Variants in DNAH8 observed in about 807,000 individuals in gnomAD.
DNAH8 encodes dynein axonemal heavy chain 8, also known as axonemal beta dynein heavy chain 8.
DNAH8 carries 382 observed loss-of-function variants against 562.1 expected under a neutral mutation model. The observed-to-expected ratio is 0.68, with a 90% confidence interval of 0.63 to 0.74. The LOEUF (loss-of-function observed/expected upper bound fraction) is 0.74, where lower values mean the gene tolerates loss of function less well. Among genes scored for constraint, DNAH8 ranks in the 30% least tolerant of loss-of-function variants. The probability of loss-of-function intolerance (pLI) is 0.00; values close to 1 mark genes in which losing one functional copy is unlikely to be tolerated. For missense variants in DNAH8, 5,203 were observed against 5,620.4 expected, an observed-to-expected ratio of 0.93 and a Z score of 2.37; for synonymous variants, 1,881 against 1,919.4, an observed-to-expected ratio of 0.98 and a Z score of 0.52.
At chr6:38,821,668 A>C (rs980531898) in intron 26 of DNAH8, among the ~76,000 whole-genome samples, 5 of 151,866 alleles carry the variant, frequency 3.3e-5, no homozygotes, top group Non-Finnish European at 5.9e-5. Flanking sequence ...GGCTGAAGCA[A>C]TCCTCCCCTT....
chr6:38,923,085 C>A lies in DNAH8; in HGVS notation c.10690C>A (p.Arg3564=), dbSNP rs748121138. 1 of 1,613,338 alleles carries A rather than the reference C, an allele frequency of 6.2e-7. No homozygotes were observed. Among genetic ancestry groups the A allele is most frequent in the South Asian group, 1.1e-5 (1 of 91,006 alleles). Residue 3564 remains arginine, a synonymous_variant, in exon 72 of 93, where the codon CGG becomes AGG. Coordinates refer to ENST00000327475, the MANE Select transcript of DNAH8 (RefSeq NM_001206927.2). The stretch of plus-strand genomic sequence containing the variant: ...TTTGCTTAATGACGCTGATACGTGC[C>A]GGAAAAAGATGCAGGCCGCCTCCAC... ...MDLLNDADTC[R]KKMQAASTLI... is the part of the protein sequence containing the mutation.
intron 58 of DNAH8, among the ~76,000 whole-genome samples, 167 bp from the exon 59 acceptor site, chr6:38,894,534 T>C (rs1049227365): frequency 6.6e-6 from 1 of 152,230 alleles, no homozygotes; most frequent in African/African-American, 2.4e-5. Context: ...AGTTGGTTTA[T>C]TTATGATTTT....
intron 91 of DNAH8, 40 bp downstream of exon 91, chr6:39,012,677 G>A (rs767723274): frequency 1.2e-5 from 18 of 1,483,150 alleles, no homozygotes; most frequent in Middle Eastern, 3.4e-4. Flanking sequence ...TGGAATTTGT[G>A]TATTGTTGGA....
chr6:38,920,556 C>T (rs1207428777), intron 70 of DNAH8, among the ~76,000 whole-genome samples: 2 of 151,854 alleles, frequency 1.3e-5, no homozygotes, highest in African/African-American at 2.4e-5. Context: ...TGGATTGTTA[C>T]CAAAGTAACA....
chr6:38,898,770 A>C (rs1454520973), intron 61 of DNAH8, among the ~76,000 whole-genome samples: 1 of 152,178 alleles, frequency 6.6e-6, no homozygotes, highest in African/African-American at 2.4e-5. Context: ...TAAAAGTGTC[A>C]ATGTTATGAT....
At chr6:38,857,301 C>A (rs1396790657) in intron 41 of DNAH8, among the ~76,000 whole-genome samples, 2 of 152,164 alleles carry the variant, frequency 1.3e-5, no homozygotes, top group African/African-American at 2.4e-5. Flanking sequence ...TATAGTTCAA[C>A]AAATGGTAGC....
At position 38,825,848 on chromosome 6, in the gene DNAH8, T is replaced by C. The variant is rs554291285; in HGVS notation, c.3848-308T>C. ...TGCGAGAATGAATGAGGGCCGCTAATGGGATGGTCAGAAGAAGTGCAAGGG... is the reference window on the plus strand; with the variant it reads ...TGCGAGAATGAATGAGGGCCGCTAACGGGATGGTCAGAAGAAGTGCAAGGG... On this transcript the variant is annotated intron_variant, in intron 28 of 92. Transcript: ENST00000327475. 8.5e-5 allele frequency among the ~76,000 whole-genome samples: 13 copies of C among 152,246 alleles called. No homozygotes were observed. In the South Asian group the frequency reaches 2.7e-3, roughly 32 times the overall value.
chr6:38,754,805 TA>T (rs1562661297), intron 9 of DNAH8, among the ~76,000 whole-genome samples: 1 of 152,160 alleles, frequency 6.6e-6, no homozygotes, highest in African/African-American at 2.4e-5. Flanking sequence ...TTATAGATTC[TA>T]AGACTTTTTT....
At chr6:38,760,239 G>T (rs924689671) in intron 10 of DNAH8, among the ~76,000 whole-genome samples, 2 of 152,034 alleles carry the variant, frequency 1.3e-5, no homozygotes, top group South Asian at 4.2e-4. Context: ...CTTTCATTTT[G>T]TCTGATCACT....
At chr6:38,775,694 T>C in intron 12 of DNAH8, 60 bp from the exon 13 acceptor site, 1 of 1,055,512 alleles carries the variant, frequency 9.5e-7, no homozygotes, top group Middle Eastern at 3.1e-4. Flanking sequence ...TAAGAGCTTA[T>C]TTTAGGGAAG....
intron 89 of DNAH8, among the ~76,000 whole-genome samples, chr6:39,009,513 C>A (rs10947771): frequency 6.6e-6 from 1 of 152,022 alleles, no homozygotes; most frequent in East Asian, 1.9e-4. Flanking sequence ...AATCTGAAGT[C>A]TTCTAAGAAC....
chr6:38,787,044 T>A, intron 18 of DNAH8, 92 bp downstream of exon 18: 1 of 707,430 alleles, frequency 1.4e-6, no homozygotes, highest in Non-Finnish European at 2.0e-6. Context: ...CAGTTATGCT[T>A]CATGGCATTG....
At chr6:38,998,506 T>A (rs1765285583) in intron 88 of DNAH8, among the ~76,000 whole-genome samples, 1 of 152,250 alleles carries the variant, frequency 6.6e-6, no homozygotes, top group Admixed American at 6.5e-5. Flanking sequence ...TTCATTTCAA[T>A]GCAATACAAA....
At chr6:38,813,667 T>C (rs761828868) in intron 24 of DNAH8, among the ~76,000 whole-genome samples, 14 of 152,150 alleles carry the variant, frequency 9.2e-5, no homozygotes, top group Non-Finnish European at 1.9e-4. Context: ...TTGGAAAGCA[T>C]GGACCAGAAA....
At chr6:38,777,311 A>G (rs2127633197) in intron 13 of DNAH8, among the ~76,000 whole-genome samples, 1 of 152,338 alleles carries the variant, frequency 6.6e-6, no homozygotes, top group Admixed American at 6.5e-5. Flanking sequence ...ATTTATTAAG[A>G]AAGATTATAT....
chr6:38,912,384 G>C (rs1780971178), intron 66 of DNAH8, among the ~76,000 whole-genome samples: 1 of 152,160 alleles, frequency 6.6e-6, no homozygotes, highest in Non-Finnish European at 1.5e-5. Flanking sequence ...AGGATCACTT[G>C]AGCCCTGGAG....
chr6:38,811,429 A>T (rs1435795262), intron 24 of DNAH8, among the ~76,000 whole-genome samples: 1 of 152,104 alleles, frequency 6.6e-6, no homozygotes, highest in Non-Finnish European at 1.5e-5. Flanking sequence ...CATCTATGTT[A>T]TCTTTTTGCC....
intron 85 of DNAH8, among the ~76,000 whole-genome samples, chr6:38,975,844 A>G (rs1763632291): frequency 6.6e-6 from 1 of 152,194 alleles, no homozygotes; most frequent in African/African-American, 2.4e-5. Context: ...TTGTGTTCCC[A>G]GTAGTGATGA....
chr6:38,779,606 A>G (rs915943284), intron 14 of DNAH8, among the ~76,000 whole-genome samples: 4 of 152,190 alleles, frequency 2.6e-5, no homozygotes, highest in Admixed American at 1.3e-4. Context: ...GTTCTCTTCC[A>G]TCTTTGCTAA....
Sources: allele counts gnomAD v4.1 joint callset (sites outside exome capture counted in the v4.1 genomes callset), GRCh38; gene constraint gnomAD v4.1.1; transcripts MANE v1.5; gene names NCBI Gene and HGNC (gene_info 2026-07-23, HGNC 2026-07-21).